The following SEMA3A variants were observed in gnomAD, a reference collection of about 807,000 sequenced individuals.
SEMA3A encodes the protein semaphorin 3A.
Under a neutral mutation model 97.9 loss-of-function variants are expected in SEMA3A, and 29 were observed. The ratio of observed to expected loss-of-function variants is 0.30; its 90% confidence interval spans 0.22 to 0.40. The LOEUF is 0.40. Among genes scored for constraint, SEMA3A ranks in the 10% least tolerant of loss-of-function variants. The probability of loss-of-function intolerance (pLI) is 1.00; values close to 1 mark genes in which losing one functional copy is unlikely to be tolerated. For missense variants in SEMA3A, 763 were observed against 951.3 expected, an observed-to-expected ratio of 0.80 and a Z score of 2.60; for synonymous variants, 321 against 323.7, an observed-to-expected ratio of 0.99 and a Z score of 0.09.
chr7:84,332,479 G>A (rs1240129365), intron 2 of SEMA3A, among the ~76,000 whole-genome samples: 1 of 152,056 alleles, frequency 6.6e-6, no homozygotes, highest in Non-Finnish European at 1.5e-5. Context: ...GTTAACATCT[G>A]TTCATTCTTT....
intron 1 of SEMA3A, among the ~76,000 whole-genome samples, chr7:84,144,573 ATTGAGTCACGTACAAGGG>A (rs1340414977): frequency 1.3e-5 from 2 of 152,172 alleles, no homozygotes; most frequent in African/African-American, 4.8e-5. Context: ...TATGTGGAAA[ATTGAGTCACGTACAAGGG>A]AAGATATCAG....
chr7:84,475,090 A>G (rs995811715), intron 1 of SEMA3A, among the ~76,000 whole-genome samples: 1 of 152,002 alleles, frequency 6.6e-6, no homozygotes, highest in African/African-American at 2.4e-5. Flanking sequence ...CCCAACCCCC[A>G]AGAGTGCCGG....
At chr7:84,207,684 A>G (rs1322157654) in intron 3 of SEMA3A, among the ~76,000 whole-genome samples, 2 of 152,218 alleles carry the variant, frequency 1.3e-5, no homozygotes, top group Non-Finnish European at 2.9e-5. Flanking sequence ...TCTCTGACCT[A>G]TAAGCTAAAA....
chr7:84,143,227 CAG>C (rs1796351416), intron 1 of SEMA3A, among the ~76,000 whole-genome samples: 1 of 151,860 alleles, frequency 6.6e-6, no homozygotes, highest in African/African-American at 2.4e-5. Flanking sequence ...TGAAAGATGA[CAG>C]AGTAAAACCA....
chr7:84,456,419 A>G (rs1383422063), intron 1 of SEMA3A, among the ~76,000 whole-genome samples: 1 of 151,850 alleles, frequency 6.6e-6, no homozygotes, highest in African/African-American at 2.4e-5. Flanking sequence ...TAGCATTTAT[A>G]TATCAGACAC....
At chr7:84,316,413 AG>A (rs1217216689) in intron 2 of SEMA3A, among the ~76,000 whole-genome samples, 1 of 152,050 alleles carries the variant, frequency 6.6e-6, no homozygotes, top group African/African-American at 2.4e-5. Context: ...TGAAAAAAAA[AG>A]AGTTATTTCA....
chr7:84,149,415 T>C (rs1388493579), intron 1 of SEMA3A, among the ~76,000 whole-genome samples: 1 of 152,218 alleles, frequency 6.6e-6, no homozygotes, highest in Non-Finnish European at 1.5e-5. Flanking sequence ...GGACAACTCA[T>C]GATTCCCTTG....
intron 3 of SEMA3A, among the ~76,000 whole-genome samples, chr7:84,204,492 G>C (rs1407943623): frequency 6.6e-6 from 1 of 152,064 alleles, no homozygotes; most frequent in Non-Finnish European, 1.5e-5. Context: ...ATTGAACATG[G>C]GGCATGAGAA....
rs757368088 is a variant in SEMA3A, at chr7:84,255,315, A to G, written c.-83+51892T>C. On this transcript the variant is annotated intron_variant, in intron 3 of 3. Transcript: ENST00000424555. ...GTAAATTTGCTGTTCTCCTACTTCC[A>G]TTTTATATCTCTCTAAACTGAAACA... Among the ~76,000 whole-genome samples, 88 of 152,118 alleles carry G rather than the reference A, an allele frequency of 5.8e-4. 1 individual carries two copies. The highest frequency in any genetic ancestry group is 7.6e-4 in the Non-Finnish European group (52 of 67,990).
intron 1 of SEMA3A, among the ~76,000 whole-genome samples, chr7:84,478,107 TG>T (rs1806348411): frequency 6.6e-6 from 1 of 152,198 alleles, no homozygotes; most frequent in Admixed American, 6.5e-5. Flanking sequence ...TGAAATTTAG[TG>T]GTAAGAGAGA....
At chr7:84,316,611 G>A (rs1473575071) in intron 2 of SEMA3A, among the ~76,000 whole-genome samples, 2 of 151,840 alleles carry the variant, frequency 1.3e-5, no homozygotes, top group Admixed American at 6.5e-5. Flanking sequence ...GATAGAGATA[G>A]AAAGAGAAAG....
chr7:84,136,710 C>G (rs555434681), intron 1 of SEMA3A, among the ~76,000 whole-genome samples: 1 of 152,246 alleles, frequency 6.6e-6, no homozygotes, highest in South Asian at 2.1e-4. Context: ...AATAGCTCAT[C>G]ATGCCTAACT....
intron 1 of SEMA3A, among the ~76,000 whole-genome samples, chr7:84,487,198 T>C (rs1806598141): frequency 6.6e-6 from 1 of 152,124 alleles, no homozygotes; most frequent in South Asian, 2.1e-4. Context: ...TGAAAAAATA[T>C]TAGATTTTGG....
intron 2 of SEMA3A, among the ~76,000 whole-genome samples, chr7:84,321,872 G>GAAAAAAAAAAAAAAAAAAAAAAAAAAAA (rs1156548285): frequency 8.3e-5 from 1 of 12,076 alleles, no homozygotes; most frequent in Non-Finnish European, 1.8e-4. Context: ...CGAGACTACG[G>GAAAAAAAAAAAAAAAAAAAAAAAAAAAA]AAAAAAAAAA....
chr7:84,127,068 AT>A (rs1795822416), intron 3 of SEMA3A, among the ~76,000 whole-genome samples: 1 of 151,718 alleles, frequency 6.6e-6, no homozygotes, highest in East Asian at 1.9e-4. Context: ...TTGCTCTACT[AT>A]GAAGGTGTAA....
At chr7:84,084,431 T>C (rs1747491193) in intron 4 of SEMA3A, among the ~76,000 whole-genome samples, 1 of 151,996 alleles carries the variant, frequency 6.6e-6, no homozygotes, top group Non-Finnish European at 1.5e-5. Context: ...AACTAGTGAA[T>C]TGTAATTCTA....
chr7:84,059,564 T>G (rs992012961), intron 5 of SEMA3A, among the ~76,000 whole-genome samples: 6 of 152,026 alleles, frequency 3.9e-5, no homozygotes, highest in African/African-American at 1.4e-4. Flanking sequence ...CAAGATTTAT[T>G]ATTTAAAATT....
At chr7:84,215,029 G>C (rs1040578398) in intron 3 of SEMA3A, among the ~76,000 whole-genome samples, 1 of 151,164 alleles carries the variant, frequency 6.6e-6, no homozygotes, top group East Asian at 2.0e-4. Context: ...ATGACACCAC[G>C]CCAGGCTAAT....
intron 1 of SEMA3A, among the ~76,000 whole-genome samples, chr7:84,388,261 T>G (rs1043853897): frequency 6.6e-5 from 10 of 152,094 alleles, no homozygotes; most frequent in African/African-American, 2.4e-4. Context: ...TAAGCCGTTT[T>G]GGATTCTGAT....
Sources: allele counts gnomAD v4.1 joint callset (sites outside exome capture counted in the v4.1 genomes callset), GRCh38; gene constraint gnomAD v4.1.1; transcripts MANE v1.5; gene names NCBI Gene and HGNC (gene_info 2026-07-23, HGNC 2026-07-21).